Variants in MYOF observed in about 807,000 individuals in gnomAD.
The protein encoded by MYOF is fer-1-like 3, myoferlin.
Under a neutral mutation model 284.2 loss-of-function variants are expected in MYOF, and 244 were observed. The observed-to-expected ratio is 0.86, with a 90% CI of 0.77 to 0.95. The LOEUF (loss-of-function observed/expected upper bound fraction) is 0.95, where lower values mean the gene tolerates loss of function less well. MYOF is among the 40% of genes least tolerant of loss of function. The pLI, the probability that MYOF is intolerant of heterozygous loss-of-function variation, is 0.00. For synonymous variants in MYOF, 904 were observed against 919.7 expected (o/e 0.98, Z 0.31); for missense variants, 2,496 against 2,560.6 (o/e 0.97, Z 0.54).
At chr10:93,402,477 A>T (rs1052309801) in intron 10 of MYOF, 130 bp from the exon 11 acceptor site, 1 of 716,302 alleles carries the variant, frequency 1.4e-6, no homozygotes, top group Non-Finnish European at 2.4e-6. Context: ...TCCCCAGATG[A>T]GTGTCCACTT....
At chr10:93,317,892 A>G (rs1352184100) in intron 49 of MYOF, among the ~76,000 whole-genome samples, 1 of 152,156 alleles carries the variant, frequency 6.6e-6, no homozygotes, top group Non-Finnish European at 1.5e-5. Context: ...GTTGTTTTTC[A>G]TATTCCAGGA....
At chr10:93,431,632 A>G in intron 3 of MYOF, 116 bp from the exon 4 acceptor site, 2 of 720,770 alleles carry the variant, frequency 2.8e-6, no homozygotes, top group South Asian at 3.7e-5. Flanking sequence ...CACTATAATG[A>G]GATGTGGGCC....
chr10:93,456,142 T>C (rs1163920484), intron 2 of MYOF, among the ~76,000 whole-genome samples: 3 of 152,234 alleles, frequency 2.0e-5, no homozygotes, highest in South Asian at 2.1e-4. Flanking sequence ...TGAATTAAAA[T>C]ACTTTTGAAT....
At chr10:93,312,985 A>C in intron 51 of MYOF, 35 bp downstream of exon 51, 3 of 1,572,210 alleles carry the variant, frequency 1.9e-6, no homozygotes, top group Non-Finnish European at 2.6e-6. Flanking sequence ...AAAAGGCATA[A>C]ACGATTTTCA....
chr10:93,382,137 T>C (rs1435822689), intron 19 of MYOF, among the ~76,000 whole-genome samples: 1 of 152,240 alleles, frequency 6.6e-6, no homozygotes, highest in Non-Finnish European at 1.5e-5. Context: ...ACTCAAATTG[T>C]TAACAGTAGT....
chr10:93,416,756 C>T (rs1229744660), intron 5 of MYOF, among the ~76,000 whole-genome samples: 1 of 151,894 alleles, frequency 6.6e-6, no homozygotes, highest in East Asian at 2.0e-4. Context: ...CACCACCACG[C>T]CTGGCTAATT....
intron 3 of MYOF, among the ~76,000 whole-genome samples, chr10:93,435,200 G>C (rs1206468256): frequency 1.3e-5 from 2 of 152,186 alleles, no homozygotes; most frequent in Admixed American, 6.5e-5. Context: ...ATTTGCTTCT[G>C]CTAAAGTCAA....
At chr10:93,307,641 T>G (rs940959602) in intron 53 of MYOF, among the ~76,000 whole-genome samples, 13 of 148,226 alleles carry the variant, frequency 8.8e-5, no homozygotes, top group Admixed American at 2.7e-4. Flanking sequence ...TTTTTTTTTT[T>G]GAGACGGAGT....
At chr10:93,454,375 A>G (rs1272057367) in intron 2 of MYOF, among the ~76,000 whole-genome samples, 3 of 152,220 alleles carry the variant, frequency 2.0e-5, no homozygotes, top group Admixed American at 2.0e-4. Context: ...TGCAGAGGAC[A>G]TGCCAGCTCG....
At chr10:93,335,444 G>A (rs914613564) in intron 41 of MYOF, among the ~76,000 whole-genome samples, 6 of 152,226 alleles carry the variant, frequency 3.9e-5, no homozygotes, top group African/African-American at 1.4e-4. Context: ...ATGGAGGCTG[G>A]AGAGGAGTGT....
intron 1 of MYOF, among the ~76,000 whole-genome samples, chr10:93,468,778 G>T (rs192762626): frequency 7.9e-4 from 121 of 152,300 alleles, no homozygotes; most frequent in African/African-American, 2.8e-3. Flanking sequence ...TTAGCAAGCT[G>T]GGCTGGTTGT....
intron 50 of MYOF, among the ~76,000 whole-genome samples, chr10:93,314,632 G>A (rs1317963691): frequency 6.6e-5 from 10 of 152,190 alleles, no homozygotes; most frequent in East Asian, 1.9e-4. Flanking sequence ...CATAAGACAC[G>A]TGACCTTAGC....
At chr10:93,309,340 G>A (rs184719623) in intron 53 of MYOF, among the ~76,000 whole-genome samples, 1 of 152,156 alleles carries the variant, frequency 6.6e-6, no homozygotes, top group African/African-American at 2.4e-5. Flanking sequence ...TGTCGTAGAT[G>A]CGCAATACAT....
At chr10:93,407,136 G>A (rs1053044985) in intron 7 of MYOF, among the ~76,000 whole-genome samples, 3 of 152,144 alleles carry the variant, frequency 2.0e-5, no homozygotes, top group Admixed American at 6.5e-5. Context: ...TAAGTTCTCA[G>A]TATGGGAGGC....
At chr10:93,427,074 G>T (rs1848622431) in intron 4 of MYOF, among the ~76,000 whole-genome samples, 1 of 151,042 alleles carries the variant, frequency 6.6e-6, no homozygotes, top group Admixed American at 6.6e-5. Context: ...TTTTAGTAGA[G>T]ATGGGGTTTC....
chr10:93,357,622 G>A (rs1240363863), intron 29 of MYOF, among the ~76,000 whole-genome samples: 2 of 152,202 alleles, frequency 1.3e-5, no homozygotes, highest in African/African-American at 4.8e-5. Context: ...CAAGACCTGA[G>A]AAGTGAGAGC....
At chr10:93,424,962 G>A (rs1345955646) in intron 5 of MYOF, among the ~76,000 whole-genome samples, 8 of 102,560 alleles carry the variant, frequency 7.8e-5, no homozygotes, top group Non-Finnish European at 9.2e-5. Flanking sequence ...TTTTTGAGAC[G>A]GAGTTTCACT....
intron 3 of MYOF, among the ~76,000 whole-genome samples, chr10:93,449,062 C>G (rs1279346716): frequency 6.6e-6 from 1 of 152,038 alleles, no homozygotes; most frequent in Non-Finnish European, 1.5e-5. Context: ...TGAAACCATC[C>G]TGTCCAATAT....
In MYOF at chr10:93,408,780, C is replaced by A; in HGVS notation, c.729+7G>T. 6.2e-7 allele frequency: 1 copy of A among 1,614,100 alleles called. No homozygotes were observed. Among genetic ancestry groups the A allele is most frequent in the Non-Finnish European group, 8.5e-7 (1 of 1,180,010 alleles). On this transcript the variant is annotated splice_region_variant and intron_variant, in intron 7 of 53. Coordinates refer to ENST00000359263, the MANE Select transcript of MYOF (RefSeq NM_013451.4). ...TGAGCAGAAACATGCCCTCTCAACCCCTTTACCTCATCAAAAAAAGGGTTG... is the reference window on the plus strand; with the variant it reads ...TGAGCAGAAACATGCCCTCTCAACCACTTTACCTCATCAAAAAAAGGGTTG...
Sources: allele counts gnomAD v4.1 joint callset (sites outside exome capture counted in the v4.1 genomes callset), GRCh38; gene constraint gnomAD v4.1.1; transcripts MANE v1.5; gene names NCBI Gene and HGNC (gene_info 2026-07-23, HGNC 2026-07-21).